Variants in TBC1D1 observed in about 807,000 individuals in gnomAD.
The protein encoded by TBC1D1 is TBC1 (tre-2/USP6, BUB2, cdc16) domain family, member 1.
Under a neutral mutation model 125.6 loss-of-function variants are expected in TBC1D1, and 89 were observed. The observed-to-expected ratio is 0.71, with a 90% CI of 0.60 to 0.85. The LOEUF is 0.85. Ranked by LOEUF, TBC1D1 falls within the 40% of genes least tolerant of loss-of-function variation. The probability of loss-of-function intolerance (pLI) is 0.00; values close to 1 mark genes in which losing one functional copy is unlikely to be tolerated. For missense variants in TBC1D1, 1,377 were observed against 1,469.2 expected, an observed-to-expected ratio of 0.94 and a Z score of 1.03; for synonymous variants, 565 against 564.1, an observed-to-expected ratio of 1.00 and a Z score of -0.02.
chr4:38,101,516 A>G (rs1330919923), intron 14 of TBC1D1, among the ~76,000 whole-genome samples: 4 of 152,236 alleles, frequency 2.6e-5, no homozygotes, highest in Non-Finnish European at 4.4e-5. Flanking sequence ...ATTTTTAATC[A>G]CTGTGAGTAT....
chr4:38,021,601 A>G lies in TBC1D1; in HGVS notation c.1093A>G (p.Met365Val). Reference sequence around the variant, plus strand: ...CTTTGATTAGGTTGATGAAATTATGATGACCCTGAAACAGGCCTTCACGGT... The same window carrying G: ...CTTTGATTAGGTTGATGAAATTATGGTGACCCTGAAACAGGCCTTCACGGT... The change falls in exon 6 of 20, where the codon ATG becomes GTG. Residue 365 changes from methionine to valine, a missense_variant. Coordinates refer to ENST00000261439, the MANE Select transcript of TBC1D1 (RefSeq NM_015173.4). 1 of 1,558,638 alleles carries G rather than the reference A, an allele frequency of 6.4e-7. No individual in the cohort carries two copies. Among genetic ancestry groups the G allele is most frequent in the South Asian group, 1.2e-5 (1 of 84,320 alleles).
chr4:38,076,763 T>C (rs1755662920), intron 12 of TBC1D1, among the ~76,000 whole-genome samples: 1 of 152,164 alleles, frequency 6.6e-6, no homozygotes, highest in Admixed American at 6.5e-5. Flanking sequence ...TGTTTACAGT[T>C]TCTCTGCCAC....
intron 8 of TBC1D1, among the ~76,000 whole-genome samples, chr4:38,043,348 A>C (rs1748765733): frequency 6.6e-6 from 1 of 151,974 alleles, no homozygotes; most frequent in Non-Finnish European, 1.5e-5. Context: ...CTGTAATCCC[A>C]GCACTTTGGG....
rs776326406 is a variant in TBC1D1, at chr4:38,133,156, A to G, written c.3205A>G (p.Ile1069Val). 2 of 1,614,248 alleles carry G rather than the reference A, an allele frequency of 1.2e-6. No homozygotes were observed. The highest frequency in any genetic ancestry group is 1.7e-6 in the Non-Finnish European group (2 of 1,180,030). Residue 1069 changes from isoleucine (I) to valine (V), a missense_variant, in exon 19 of 20, where the codon ATC (isoleucine) becomes GTC (valine). Around this residue, in one of 3 missense-constraint regions of TBC1D1, gnomAD observed 543 missense variants for 613.5 expected, o/e 0.89. Coordinates refer to ENST00000261439, the MANE Select transcript of TBC1D1 (RefSeq NM_015173.4). ...GTACCACGTCCTTCAAGAAGAACTT[A>G]TCGATTCCTCTCCTCTCAGTGACAA...
intron 2 of TBC1D1, among the ~76,000 whole-genome samples, chr4:37,962,968 C>T (rs1730338890): frequency 6.6e-6 from 1 of 152,198 alleles, no homozygotes; most frequent in African/African-American, 2.4e-5. Context: ...TCATTACAGT[C>T]AGTTTAAGTA....
intron 12 of TBC1D1, among the ~76,000 whole-genome samples, chr4:38,078,774 C>T (rs1756034119): frequency 2.0e-5 from 3 of 152,142 alleles, no homozygotes; most frequent in Admixed American, 2.0e-4. Context: ...CCACCCAGTC[C>T]CTATGATTTT....
At chr4:37,894,678 T>C (rs899469814) in intron 1 of TBC1D1, among the ~76,000 whole-genome samples, 4 of 152,210 alleles carry the variant, frequency 2.6e-5, no homozygotes, top group Non-Finnish European at 4.4e-5. Flanking sequence ...TGGTACACAG[T>C]GAGCACTCAA....
chr4:37,914,756 C>T (rs1373854778), intron 2 of TBC1D1, among the ~76,000 whole-genome samples: 1 of 152,196 alleles, frequency 6.6e-6, no homozygotes, highest in African/African-American at 2.4e-5. Flanking sequence ...ACTCCAGCCA[C>T]CCTGGTGTTT....
rs556061934 is a variant in TBC1D1 at position 38,120,683 on chromosome 4, A to C, written c.2962+2491A>C. Among the ~76,000 whole-genome samples, 5 of 152,332 alleles carry C rather than the reference A, an allele frequency of 3.3e-5. No individual in the cohort carries two copies. The East Asian group carries it at 9.7e-4, about 29-fold the overall frequency. On this transcript the variant is annotated intron_variant, in intron 17 of 19. Coordinates refer to ENST00000261439, the MANE Select transcript of TBC1D1 (RefSeq NM_015173.4). ...CAGTGATGTGTGCGCCTTAACCTTC[A>C]CATGATACTCACACCTTGCTGAATG...
Position 37,995,172 on chromosome 4 carries a change from G to A in TBC1D1, c.418-19337G>A, listed in dbSNP as rs972167347. Among the ~76,000 whole-genome samples, 1 of 152,158 alleles carries A rather than the reference G, an allele frequency of 6.6e-6. No homozygotes were observed. Among genetic ancestry groups the A allele is most frequent in the Non-Finnish European group, 1.5e-5 (1 of 68,028 alleles). On this transcript the variant is annotated intron_variant, in intron 2 of 19. Transcript: ENST00000261439. This position sits in a 1 kb window ranked among gnomAD's most constrained non-coding sequence, Gnocchi z 4.3. ...AGCCCTCGGGAAACTGACCTGGAGC[G>A]ATGGGTGCTAAAAGGAGATGAGATT...
At chr4:37,959,240 T>C (rs1371992221) in intron 2 of TBC1D1, among the ~76,000 whole-genome samples, 1 of 151,800 alleles carries the variant, frequency 6.6e-6, no homozygotes. Context: ...TAACCGATAG[T>C]CTTCCGTTGA....
intron 12 of TBC1D1, among the ~76,000 whole-genome samples, chr4:38,067,179 T>A (rs1175660332): frequency 1.3e-5 from 2 of 152,204 alleles, no homozygotes; most frequent in Non-Finnish European, 2.9e-5. Flanking sequence ...CGGCCAAGAT[T>A]TTAAACATTA....
At chr4:38,063,916 C>T (rs1292220215) in intron 12 of TBC1D1, among the ~76,000 whole-genome samples, 3 of 152,030 alleles carry the variant, frequency 2.0e-5, no homozygotes, top group Admixed American at 6.6e-5. Flanking sequence ...GGCGTGAGCC[C>T]GACCCACCGC....
At chr4:37,957,792 A>T (rs1461790258) in intron 2 of TBC1D1, among the ~76,000 whole-genome samples, 1 of 152,166 alleles carries the variant, frequency 6.6e-6, no homozygotes, top group Non-Finnish European at 1.5e-5. Flanking sequence ...GTCAATTCTG[A>T]CATGTGATTT....
intron 12 of TBC1D1, among the ~76,000 whole-genome samples, chr4:38,074,228 T>C (rs866649588): frequency 1.1e-4 from 16 of 152,120 alleles, no homozygotes; most frequent in East Asian, 1.9e-4. Context: ...AAAGCAGGCA[T>C]TGGGGGCTTT....
At chr4:38,109,051 CCA>C (rs1404960038) in intron 15 of TBC1D1, among the ~76,000 whole-genome samples, 1 of 152,136 alleles carries the variant, frequency 6.6e-6, no homozygotes, top group Non-Finnish European at 1.5e-5. Flanking sequence ...CTGGCGGGGA[CCA>C]CAGTGTTCTC....
chr4:38,137,592 G>A lies in TBC1D1; in HGVS notation c.*257G>A. 1 of 403,580 alleles carries A rather than the reference G, an allele frequency of 2.5e-6. No homozygotes were observed. Among genetic ancestry groups the A allele is most frequent in the Non-Finnish European group, 4.3e-6 (1 of 234,702 alleles). The allele number at this position is 403,580 out of a possible 1,614,324, so 25.0% of individuals were successfully genotyped here. A position where few individuals can be genotyped will look rare whatever the true frequency, so the allele number is the denominator to read the frequency against. On this transcript the variant is annotated 3_prime_UTR_variant, in exon 20 of 20. Transcript: ENST00000261439. Reference sequence around the variant, plus strand: ...TGTACACAGTAGCTTTAGATGGCGTGGACGTGAATAAATGCAACTTATGTT... The same window carrying A: ...TGTACACAGTAGCTTTAGATGGCGTAGACGTGAATAAATGCAACTTATGTT...
chr4:38,095,396 C>T (rs1471172685), intron 13 of TBC1D1, among the ~76,000 whole-genome samples: 2 of 152,210 alleles, frequency 1.3e-5, no homozygotes, highest in African/African-American at 4.8e-5. Context: ...CAGTAGCTCT[C>T]TTCATATATT....
intron 12 of TBC1D1, chr4:38,060,665 CAGATA>C: frequency 2.3e-6 from 3 of 1,287,190 alleles, no homozygotes; most frequent in Non-Finnish European, 3.0e-6. Context: ...GAAGGTAAAG[CAGATA>C]GAGGCAGTCT....
Sources: allele counts gnomAD v4.1 joint callset (sites outside exome capture counted in the v4.1 genomes callset), GRCh38; gene constraint gnomAD v4.1.1; regional missense constraint gnomAD v4.1.1; non-coding constraint Gnocchi (gnomAD v3.1); transcripts MANE v1.5; gene names NCBI Gene and HGNC (gene_info 2026-07-23, HGNC 2026-07-21).